BICDL1: variants seen among roughly 807,000 people sequenced by gnomAD.
BICDL1 encodes the protein BICD family-like cargo adapter 1.
A neutral mutation model predicts 76.8 loss-of-function variants in BICDL1; 20 were observed. The ratio of observed to expected loss-of-function variants is 0.26; its 90% CI spans 0.18 to 0.38. The LOEUF is 0.38. BICDL1 is among the 10% of genes least tolerant of loss of function. BICDL1 has a pLI of 1.00. For synonymous variants in BICDL1, 383 were observed against 337.1 expected (o/e 1.14, Z -1.49); for missense variants, 700 against 798.6 (o/e 0.88, Z 1.49).
chr12:120,057,193 T>A (rs935344001), intron 2 of BICDL1: 5 of 488,406 alleles, frequency 1.0e-5, no homozygotes, highest in African/African-American at 5.9e-5. Context: ...GACTTGTAAG[T>A]TTGTAGAGAC....
chr12:119,995,075 T>TA (rs1566200190), intron 1 of BICDL1, among the ~76,000 whole-genome samples: 3 of 152,306 alleles, frequency 2.0e-5, no homozygotes, highest in East Asian at 3.9e-4. Flanking sequence ...GGCAGTTTCT[T>TA]AACCTTATTT....
At chr12:120,074,656 G>C in intron 7 of BICDL1, 70 bp downstream of exon 7, 1 of 998,034 alleles carries the variant, frequency 1.0e-6, no homozygotes, top group Non-Finnish European at 1.2e-6. Context: ...GGACCCTTTT[G>C]AGTTTCTCTC....
At chr12:120,054,735 C>T (rs1446950575) in intron 2 of BICDL1, among the ~76,000 whole-genome samples, 1 of 151,972 alleles carries the variant, frequency 6.6e-6, no homozygotes, top group African/African-American at 2.4e-5. Context: ...AAAAAATTAG[C>T]CGGGCATGGT....
rs953502033 is a variant in BICDL1 at position 120,071,519 on chromosome 12, C to G, written c.910-103C>G. On this transcript the variant is annotated intron_variant, in intron 4 of 9. Coordinates refer to ENST00000548673, the MANE Select transcript of BICDL1 (RefSeq NM_001367886.1). This position sits in a 1 kb window ranked among gnomAD's most constrained non-coding sequence, Gnocchi z 4.8. ...ATGTTCTTCTCTCCTATTTATTTTT[C>G]TATAAATTGGTGGTTGGATCCAGAA... The G allele has an allele frequency of 2.6e-5, 36 of 1,392,586 alleles. No individual in the cohort carries two copies. The South Asian group carries it at 4.9e-4, about 19-fold the overall frequency. The allele number at this position is 1,392,586 out of a possible 1,614,324, so 86.3% of individuals were successfully genotyped here.
At position 120,074,530 on chromosome 12, in the gene BICDL1, G is replaced by A. The variant is rs1253177743; in HGVS notation, c.1396G>A (p.Gly466Arg). The A allele has an allele frequency of 4.7e-6, 6 of 1,280,406 alleles. No homozygotes were observed. The highest frequency in any genetic ancestry group is 4.1e-6 in the Non-Finnish European group (4 of 984,236). The allele number at this position is 1,280,406 out of a possible 1,614,324, so 79.3% of individuals were successfully genotyped here. ...GAGAGCCCTAAGGGAGCTCATGGAGGGAGAGAGGGGTAAACTGAGGCAAAG... is the reference window on the plus strand; with the variant it reads ...GAGAGCCCTAAGGGAGCTCATGGAGAGAGAGAGGGGTAAACTGAGGCAAAG... Reference protein sequence around the residue: ...DSRALRELMEGERGKLRQSLE... With the variant: ...DSRALRELMERERGKLRQSLE... The change falls in exon 7 of 10, where the codon GGA becomes AGA. Residue 466 changes from glycine (G) to arginine (R), a missense_variant. This residue lies in a region of BICDL1 where 455 missense variants were observed against 548.7 expected (regional missense o/e 0.83). Coordinates refer to ENST00000548673, the MANE Select transcript of BICDL1 (RefSeq NM_001367886.1).
At chr12:120,088,479 C>T (rs1426226500) in intron 8 of BICDL1, among the ~76,000 whole-genome samples, 2 of 151,694 alleles carry the variant, frequency 1.3e-5, no homozygotes, top group African/African-American at 4.9e-5. Flanking sequence ...GCCTCAGCCT[C>T]CCGAGTAGCT....
intron 4 of BICDL1, among the ~76,000 whole-genome samples, chr12:120,069,356 G>T (rs569315638): frequency 1.3e-5 from 2 of 152,162 alleles, no homozygotes; most frequent in Non-Finnish European, 2.9e-5. Flanking sequence ...ATTTCTGCCC[G>T]TGAGAGTTAG....
intron 5 of BICDL1, 132 bp from the exon 6 acceptor site, chr12:120,072,379 A>C: frequency 1.3e-6 from 1 of 772,826 alleles, no homozygotes. Context: ...AAAAAAAAAC[A>C]CAGAACAAAA....
intron 1 of BICDL1, among the ~76,000 whole-genome samples, chr12:119,995,992 A>C (rs1951637312): frequency 6.6e-6 from 1 of 152,130 alleles, no homozygotes; most frequent in South Asian, 2.1e-4. Context: ...TCTCAAAAAA[A>C]AAAAAAAAAT....
rs556979264 is a variant in BICDL1 at position 119,998,462 on chromosome 12, A to G, written c.430-59A>G. 8 of 1,477,984 alleles carry G rather than the reference A, an allele frequency of 5.4e-6. No homozygotes were observed. In the South Asian group the frequency reaches 5.5e-5, roughly 10 times the overall value. 91.6% of individuals were successfully genotyped at this position (1,477,984 alleles called of 1,614,324 possible). On this transcript the variant is annotated intron_variant, in intron 1 of 9. Coordinates refer to ENST00000548673, the MANE Select transcript of BICDL1 (RefSeq NM_001367886.1). ...AGAAAAGTTGGGACAGCGCGGAGAGAAAAAATAAAAGGCTGTGGAATTTTT... is the reference window on the plus strand; with the variant it reads ...AGAAAAGTTGGGACAGCGCGGAGAGGAAAAATAAAAGGCTGTGGAATTTTT...
At chr12:120,034,344 A>G (rs936702818) in intron 2 of BICDL1, among the ~76,000 whole-genome samples, 2 of 152,218 alleles carry the variant, frequency 1.3e-5, no homozygotes, top group Non-Finnish European at 2.9e-5. Context: ...GACTACTTTT[A>G]TAACTAAAAT....
rs989432034 is a variant in BICDL1 at position 120,094,142 on chromosome 12, T to G, written c.*981T>G. ...AGCCTCCAGATGCTGCCTGCCTGCC[T>G]GCAGAAGCCTGCAGTGGCTGCTGCT... On this transcript the variant is annotated 3_prime_UTR_variant, in exon 10 of 10. Coordinates refer to ENST00000548673, the MANE Select transcript of BICDL1 (RefSeq NM_001367886.1). 1.6e-5 allele frequency: 7 copies of G among 440,566 alleles called. No individual in the cohort carries two copies. The highest frequency in any genetic ancestry group is 3.2e-5 in the Non-Finnish European group (7 of 216,792). The allele number at this position is 440,566 out of a possible 1,614,324, so 27.3% of individuals were successfully genotyped here.
At chr12:120,039,912 G>A (rs1952604437) in intron 2 of BICDL1, among the ~76,000 whole-genome samples, 3 of 152,004 alleles carry the variant, frequency 2.0e-5, no homozygotes, top group Admixed American at 6.5e-5. Flanking sequence ...ATCCATATTA[G>A]CATTACTACT....
intron 2 of BICDL1, among the ~76,000 whole-genome samples, chr12:120,008,083 C>T (rs1019281146): frequency 6.6e-6 from 1 of 151,214 alleles, no homozygotes; most frequent in African/African-American, 2.4e-5. Flanking sequence ...TTCCAAAGGA[C>T]GTTCTCATAT....
rs896090486 is a variant in BICDL1, at chr12:120,094,230, G to C, written c.*1069G>C. On this transcript the variant is annotated 3_prime_UTR_variant, in exon 10 of 10. Coordinates refer to ENST00000548673, the MANE Select transcript of BICDL1 (RefSeq NM_001367886.1). ...CCCAACTCAGAGGCTCCGCGGCCCGGCCAGCCCTCAGCTGCTCACAACCGA... is the reference window on the plus strand; with the variant it reads ...CCCAACTCAGAGGCTCCGCGGCCCGCCCAGCCCTCAGCTGCTCACAACCGA... 1.8e-5 allele frequency: 8 copies of C among 456,532 alleles called. No homozygotes were observed. The highest frequency in any genetic ancestry group is 1.4e-4 in the African/African-American group (7 of 50,074). The allele number at this position is 456,532 out of a possible 1,614,324, so 28.3% of individuals were successfully genotyped here.
chr12:120,062,909 C>T (rs1238257507), intron 3 of BICDL1, among the ~76,000 whole-genome samples: 1 of 152,126 alleles, frequency 6.6e-6, no homozygotes, highest in Non-Finnish European at 1.5e-5. Flanking sequence ...TTTTTCTAGA[C>T]CCTCATGAAC....
intron 7 of BICDL1, chr12:120,080,590 G>T (rs1432668950): frequency 4.0e-6 from 1 of 250,346 alleles, no homozygotes; most frequent in East Asian, 7.8e-5. Context: ...GCCTGGAGAT[G>T]GAGGAGGTAG....
At position 120,052,309 on chromosome 12, in the gene BICDL1, T is replaced by TTC. The variant is rs201264770; in HGVS notation, c.646-9383_646-9382dup. 7.6e-4 allele frequency among the ~76,000 whole-genome samples: 109 copies of TTC among 142,722 alleles called. No individual in the cohort carries two copies. The Middle Eastern group carries it at 0.01, about 14-fold the overall frequency. The allele number at this position is 142,722 out of a possible 152,430, so 93.6% of individuals were successfully genotyped here. A position where few individuals can be genotyped will look rare whatever the true frequency, so the allele number is the denominator to read the frequency against. On this transcript the variant is annotated intron_variant, in intron 2 of 9. Transcript: ENST00000548673. ...ACTTTTTCTTTCTTCCTTCCTTCCT[T>TTC]TCTCTCTCTCTCTCTCTCTTTCTCT...
chr12:120,002,474 A>G (rs181625414), intron 2 of BICDL1, among the ~76,000 whole-genome samples: 133 of 152,214 alleles, frequency 8.7e-4, no homozygotes, highest in African/African-American at 2.9e-3. Flanking sequence ...TTACATACCA[A>G]AGATACATAA....
Sources: allele counts gnomAD v4.1 joint callset (sites outside exome capture counted in the v4.1 genomes callset), GRCh38; gene constraint gnomAD v4.1.1; regional missense constraint gnomAD v4.1.1; non-coding constraint Gnocchi (gnomAD v3.1); transcripts MANE v1.5; gene names NCBI Gene and HGNC (gene_info 2026-07-23, HGNC 2026-07-21).